The following GRK3 variants were observed in gnomAD, a reference collection of about 807,000 sequenced individuals.
GRK3 encodes the protein adrenergic, beta, receptor kinase 2.
A neutral mutation model predicts 95.7 loss-of-function variants in GRK3; 54 were observed. That is an observed-to-expected ratio of 0.56 (90% confidence interval 0.45 to 0.71). GRK3 has a LOEUF of 0.71. GRK3 is among the 30% of genes least tolerant of loss of function. The probability of loss-of-function intolerance (pLI) is 0.00; values close to 1 mark genes in which losing one functional copy is unlikely to be tolerated. For synonymous variants in GRK3, 281 were observed against 290.8 expected (o/e 0.97, Z 0.34); for missense variants, 649 against 851.2 (o/e 0.76, Z 2.96).
chr22:25,672,379 TA>T, intron 7 of GRK3, 32 bp downstream of exon 7: 1 of 1,208,588 alleles, frequency 8.3e-7, no homozygotes, highest in Non-Finnish European at 1.2e-6. Flanking sequence ...TTTCATTTTT[TA>T]AATAAAAACT....
At chr22:25,692,152 A>G (rs1437361314) in intron 12 of GRK3, among the ~76,000 whole-genome samples, 1 of 152,074 alleles carries the variant, frequency 6.6e-6, no homozygotes, top group African/African-American at 2.4e-5. Context: ...ATATTTTTTA[A>G]AGACGGGGTC....
intron 2 of GRK3, among the ~76,000 whole-genome samples, chr22:25,635,444 T>A (rs985448401): frequency 6.6e-6 from 1 of 152,204 alleles, no homozygotes; most frequent in Non-Finnish European, 1.5e-5. Flanking sequence ...AAAGTCCATA[T>A]TCATATTTCA....
rs528476386 is a variant in GRK3, at chr22:25,673,378, T to A, written c.555+1031T>A. Among the ~76,000 whole-genome samples, 30 of 145,814 alleles carry A rather than the reference T, an allele frequency of 2.1e-4. No individual in the cohort carries two copies. In the East Asian group the frequency reaches 4.3e-3, roughly 21 times the overall value. ...CGCCCAGCAGGAGTTTTGTTTTTTT[T>A]AAAAATACTTGATCTTCACTAAAAG... is the stretch of plus-strand genomic sequence containing the variant. On this transcript the variant is annotated intron_variant, in intron 7 of 20. Coordinates refer to ENST00000324198, the MANE Select transcript of GRK3 (RefSeq NM_005160.4).
At chr22:25,580,581 T>C (rs1932063325) in intron 1 of GRK3, 2 of 152,312 alleles carry the variant, frequency 1.3e-5, no homozygotes, top group African/African-American at 4.8e-5. Flanking sequence ...TTGCCCAGGC[T>C]GGAGTGCAAC....
At chr22:25,695,860 C>T (rs1037854708) in intron 13 of GRK3, among the ~76,000 whole-genome samples, 80 of 142,690 alleles carry the variant, frequency 5.6e-4, no homozygotes, top group Non-Finnish European at 8.9e-4. Context: ...TTTTTTGAGA[C>T]GTCTCGCTCT....
intron 3 of GRK3, among the ~76,000 whole-genome samples, chr22:25,652,449 T>A (rs2146392135): frequency 6.6e-6 from 1 of 152,254 alleles, no homozygotes; most frequent in East Asian, 1.9e-4. Flanking sequence ...TATAAATGAA[T>A]GTTGACTGTA....
At position 25,723,973 on chromosome 22, in the gene GRK3, T is replaced by TG. The variant is rs2085454500; in HGVS notation, c.*1523_*1524insG. ...AAAAAAAAAAATGTGGGTTTTTTTTTTTGTCTATCTCAACTACTAGTTGGG... is the reference window on the plus strand; with the variant it reads ...AAAAAAAAAAATGTGGGTTTTTTTTTGTTGTCTATCTCAACTACTAGTTGGG... On this transcript the variant is annotated 3_prime_UTR_variant, in exon 21 of 21. Transcript: ENST00000324198. 6.6e-6 allele frequency: 1 copy of TG among 152,042 alleles called. No homozygotes were observed. Among genetic ancestry groups the TG allele is most frequent in the Non-Finnish European group, 1.5e-5 (1 of 67,976 alleles). The allele number at this position is 152,042 out of a possible 1,614,324, so 9.4% of individuals were successfully genotyped here.
At chr22:25,647,690 T>G (rs966101441) in intron 3 of GRK3, 1 of 1,375,326 alleles carries the variant, frequency 7.3e-7, no homozygotes, top group Non-Finnish European at 1.0e-6. Flanking sequence ...GGTTATATCC[T>G]GAGCAGTTAT....
intron 2 of GRK3, among the ~76,000 whole-genome samples, chr22:25,610,217 C>T (rs563785263): frequency 1.6e-4 from 25 of 152,202 alleles, no homozygotes; most frequent in East Asian, 1.2e-3. Context: ...AATCCCAACA[C>T]TTTGGAAGTC....
At chr22:25,713,758 A>G (rs2085361971) in intron 17 of GRK3, among the ~76,000 whole-genome samples, 1 of 152,226 alleles carries the variant, frequency 6.6e-6, no homozygotes, top group Non-Finnish European at 1.5e-5. Context: ...ATAATCGTTT[A>G]GAAGAAAAAT....
intron 2 of GRK3, among the ~76,000 whole-genome samples, chr22:25,637,507 G>T (rs1182003873): frequency 1.3e-5 from 2 of 152,102 alleles, no homozygotes; most frequent in African/African-American, 4.8e-5. Flanking sequence ...GATAGTCTTT[G>T]AATCATTTCA....
intron 18 of GRK3, among the ~76,000 whole-genome samples, chr22:25,717,718 A>G (rs1434570139): frequency 6.6e-5 from 10 of 152,202 alleles, no homozygotes; most frequent in African/African-American, 9.6e-5. Context: ...AATTATCTCT[A>G]TACATAACCA....
intron 9 of GRK3, among the ~76,000 whole-genome samples, chr22:25,680,964 T>A (rs982861296): frequency 2.0e-5 from 3 of 151,772 alleles, no homozygotes; most frequent in Non-Finnish European, 2.9e-5. Context: ...TTTTTTTTTT[T>A]AATCTCAACT....
At chr22:25,579,441 C>T (rs914610704) in intron 1 of GRK3, among the ~76,000 whole-genome samples, 1 of 151,776 alleles carries the variant, frequency 6.6e-6, no homozygotes, top group South Asian at 2.1e-4. Context: ...CCTCTGTGCC[C>T]GACCAATGAA....
Position 25,697,622 on chromosome 22 carries a change from G to A in GRK3, c.1160+2408G>A, listed in dbSNP as rs115024077. 7.0e-3 allele frequency among the ~76,000 whole-genome samples: 1,062 copies of A among 152,354 alleles called. 14 individuals are homozygous for A. The highest frequency in any genetic ancestry group is 0.024 in the African/African-American group (1,004 of 41,584). On this transcript the variant is annotated intron_variant, in intron 13 of 20. Transcript: ENST00000324198. The stretch of plus-strand genomic sequence containing the variant: ...GGGGAGCGCATGGTTGGCTCCAGCT[G>A]CTGGAAGGCCGTCTTGTTGAAGGGA...
chr22:25,622,725 G>A (rs567035415), intron 2 of GRK3, among the ~76,000 whole-genome samples: 4 of 152,152 alleles, frequency 2.6e-5, no homozygotes, highest in Non-Finnish European at 5.9e-5. Context: ...AGAAGAATCT[G>A]GAGACCCCTG....
At chr22:25,650,374 G>T (rs1233487668) in intron 3 of GRK3, among the ~76,000 whole-genome samples, 1 of 152,076 alleles carries the variant, frequency 6.6e-6, no homozygotes, top group Non-Finnish European at 1.5e-5. Context: ...CAATCCAAGG[G>T]GAAATCTTTT....
At chr22:25,632,696 A>G (rs914387984) in intron 2 of GRK3, among the ~76,000 whole-genome samples, 1 of 152,166 alleles carries the variant, frequency 6.6e-6, no homozygotes, top group Non-Finnish European at 1.5e-5. Context: ...TTTTTGTAGG[A>G]ATCACATATT....
intron 2 of GRK3, among the ~76,000 whole-genome samples, chr22:25,621,652 A>T (rs1303073720): frequency 6.6e-6 from 1 of 152,240 alleles, no homozygotes; most frequent in African/African-American, 2.4e-5. Flanking sequence ...AAGGGCAGCA[A>T]GAATGGTTAT....
Sources: allele counts gnomAD v4.1 joint callset (sites outside exome capture counted in the v4.1 genomes callset), GRCh38; gene constraint gnomAD v4.1.1; transcripts MANE v1.5; gene names NCBI Gene and HGNC (gene_info 2026-07-23, HGNC 2026-07-21).